NRXN1: variants seen among roughly 807,000 people sequenced by gnomAD.
The protein encoded by NRXN1 is neurexin 1.
NRXN1 carries 39 observed loss-of-function variants against 150.9 expected under a neutral mutation model. That is an observed-to-expected ratio of 0.26 (90% CI 0.20 to 0.34). The LOEUF (loss-of-function observed/expected upper bound fraction) is 0.34, where lower values mean the gene tolerates loss of function less well. Ranked by LOEUF, NRXN1 falls within the 10% of genes least tolerant of loss-of-function variation. The pLI, the probability that NRXN1 is intolerant of heterozygous loss-of-function variation, is 1.00. For synonymous variants in NRXN1, 924 were observed against 757.0 expected, an observed-to-expected ratio of 1.22 and a Z score of -3.62; for missense variants, 1,815 against 1,949.9, an observed-to-expected ratio of 0.93 and a Z score of 1.30.
chr2:50,450,217 TC>T (rs2086832609), intron 17 of NRXN1, among the ~76,000 whole-genome samples: 1 of 152,150 alleles, frequency 6.6e-6, no homozygotes, highest in African/African-American at 2.4e-5. Context: ...CCAATTAAGG[TC>T]CATCTCACTT....
intron 5 of NRXN1, among the ~76,000 whole-genome samples, chr2:50,690,545 T>C (rs1054676641): frequency 3.3e-5 from 5 of 152,220 alleles, no homozygotes; most frequent in African/African-American, 1.2e-4. Context: ...TGGATTTCTC[T>C]GGCTCTTTAC....
At chr2:50,614,486 A>G (rs553845674) in intron 8 of NRXN1, among the ~76,000 whole-genome samples, 1 of 152,034 alleles carries the variant, frequency 6.6e-6, no homozygotes, top group South Asian at 2.1e-4. Context: ...GAAAATAAGC[A>G]AAAAAGGGGA....
At chr2:50,344,789 G>A (rs974014035) in intron 17 of NRXN1, among the ~76,000 whole-genome samples, 4 of 152,160 alleles carry the variant, frequency 2.6e-5, no homozygotes, top group African/African-American at 9.7e-5. Context: ...TTATCCCTCT[G>A]GAGAGAGGCC....
intron 5 of NRXN1, chr2:50,917,431 C>T (rs1013651719): frequency 7.9e-5 from 12 of 151,554 alleles, no homozygotes; most frequent in African/African-American, 2.7e-4. Flanking sequence ...CAGACAAATT[C>T]GCTATATAGC....
rs771019713 is a variant in NRXN1 at position 51,027,737 on chromosome 2, G to A, written c.537C>T (p.Pro179=). ...TCACGTCACGAATCCACCCCTTGAA[G>A]GGCTCCCGCTCCCTCACCGAGGCCA... ...LTLASVRERE[P]FKGWIRDVRV... Residue 179 remains proline (P), a synonymous_variant, in exon 2 of 23, where the codon CCC becomes CCT. Transcript: ENST00000401669. 1.9e-6 allele frequency: 3 copies of A among 1,611,284 alleles called. No individual in the cohort carries two copies. The African/African-American group carries it at 4.0e-5, about 22-fold the overall frequency.
At chr2:50,547,885 C>T (rs938970619) in intron 9 of NRXN1, among the ~76,000 whole-genome samples, 3 of 152,004 alleles carry the variant, frequency 2.0e-5, no homozygotes, top group Admixed American at 1.3e-4. Context: ...ACAGCTATAG[C>T]CAAGCAGAAT....
At chr2:50,059,828 C>A (rs1475779052) in intron 19 of NRXN1, among the ~76,000 whole-genome samples, 1 of 152,272 alleles carries the variant, frequency 6.6e-6, no homozygotes, top group East Asian at 1.9e-4. Flanking sequence ...CCCGTGGGTG[C>A]AAAGAAGTCA....
chr2:50,732,389 GA>G (rs1267847791), intron 5 of NRXN1, among the ~76,000 whole-genome samples: 1 of 152,104 alleles, frequency 6.6e-6, no homozygotes, highest in African/African-American at 2.4e-5. Flanking sequence ...GGCCAGGCCT[GA>G]AGTTAGTGAT....
chr2:50,311,174 T>C (rs890796285), intron 17 of NRXN1, among the ~76,000 whole-genome samples: 2 of 152,112 alleles, frequency 1.3e-5, no homozygotes, highest in African/African-American at 2.4e-5. Flanking sequence ...AGGATCATGT[T>C]GTCAAGGGTA....
chr2:50,025,768 G>A (rs1688187357), intron 21 of NRXN1, among the ~76,000 whole-genome samples: 1 of 152,118 alleles, frequency 6.6e-6, no homozygotes, highest in Non-Finnish European at 1.5e-5. Context: ...CCTATTTTAT[G>A]CATGCTTAAG....
intron 5 of NRXN1, among the ~76,000 whole-genome samples, chr2:50,786,191 C>T (rs774662037): frequency 2.6e-5 from 4 of 152,022 alleles, no homozygotes; most frequent in Non-Finnish European, 4.4e-5. Flanking sequence ...TTTAGCCATC[C>T]ACATTATAAT....
chr2:50,560,898 CTGT>C (rs1668976387), intron 8 of NRXN1, among the ~76,000 whole-genome samples: 2 of 152,034 alleles, frequency 1.3e-5, no homozygotes, highest in South Asian at 4.2e-4. Flanking sequence ...ATACCAAAAC[CTGT>C]TATAAAATGG....
At chr2:50,092,291 T>A (rs914660939) in intron 18 of NRXN1, among the ~76,000 whole-genome samples, 1 of 152,214 alleles carries the variant, frequency 6.6e-6, no homozygotes, top group Non-Finnish European at 1.5e-5. Context: ...AATTTCATAA[T>A]ATAAGGTGGC....
At chr2:50,305,092 G>C (rs778652276) in intron 17 of NRXN1, among the ~76,000 whole-genome samples, 20 of 151,800 alleles carry the variant, frequency 1.3e-4, no homozygotes, top group Non-Finnish European at 2.7e-4. Context: ...TGTCTTGTAG[G>C]GGGTGGGATG....
chr2:50,350,716 A>G (rs1360594789), intron 17 of NRXN1, among the ~76,000 whole-genome samples: 1 of 152,166 alleles, frequency 6.6e-6, no homozygotes, highest in Non-Finnish European at 1.5e-5. Context: ...TCAATTAGGA[A>G]GATGCTTCCC....
chr2:50,325,013 C>A (rs1278187807), intron 17 of NRXN1, among the ~76,000 whole-genome samples: 1 of 152,154 alleles, frequency 6.6e-6, no homozygotes, highest in Non-Finnish European at 1.5e-5. Flanking sequence ...GTTTAAAAAT[C>A]TAGCAGAACA....
At chr2:50,577,899 T>C (rs1188214620) in intron 8 of NRXN1, among the ~76,000 whole-genome samples, 1 of 152,164 alleles carries the variant, frequency 6.6e-6, no homozygotes, top group Non-Finnish European at 1.5e-5. Flanking sequence ...AATAATGTCA[T>C]CTAATTATCT....
At chr2:50,612,376 G>GT (rs199814750) in intron 8 of NRXN1, among the ~76,000 whole-genome samples, 186 of 151,806 alleles carry the variant, frequency 1.2e-3, no homozygotes, top group African/African-American at 4.2e-3. Flanking sequence ...CCAAAAACTT[G>GT]TTTTTTTTCT....
At chr2:50,207,166 G>A (rs2062660413) in intron 18 of NRXN1, among the ~76,000 whole-genome samples, 1 of 152,064 alleles carries the variant, frequency 6.6e-6, no homozygotes, top group South Asian at 2.1e-4. Flanking sequence ...TTTCAGGAGA[G>A]GTAAGACACA....
Sources: allele counts gnomAD v4.1 joint callset (sites outside exome capture counted in the v4.1 genomes callset), GRCh38; gene constraint gnomAD v4.1.1; transcripts MANE v1.5; gene names NCBI Gene and HGNC (gene_info 2026-07-23, HGNC 2026-07-21).